CRB2: variants seen among roughly 807,000 people sequenced by gnomAD.
CRB2 encodes protein crumbs homolog 2.
In CRB2, 85 loss-of-function variants were observed where a neutral mutation model predicts 110.9. The ratio of observed to expected loss-of-function variants is 0.77; its 90% CI spans 0.64 to 0.92. CRB2 has a LOEUF of 0.92. Among genes scored for constraint, CRB2 ranks in the 40% least tolerant of loss-of-function variants. The probability of loss-of-function intolerance (pLI) is 0.00; values close to 1 mark genes in which losing one functional copy is unlikely to be tolerated. For missense variants in CRB2, 1,843 were observed against 1,851.3 expected, an observed-to-expected ratio of 1.00 and a Z score of 0.08; for synonymous variants, 907 against 831.0, an observed-to-expected ratio of 1.09 and a Z score of -1.57.
chr9:123,372,346 A>T lies in CRB2; in HGVS notation c.2602+4A>T, dbSNP rs372320700. On this transcript the variant is annotated splice_donor_region_variant and intron_variant, in intron 9 of 12. Transcript: ENST00000373631. ...GAGGTCCCTGATGGCTTTGTGTGTG[A>T]GTGTGTGTCCTGGGCAGCTCCCGTG... 1.2e-5 allele frequency: 19 copies of T among 1,588,706 alleles called. No homozygotes were observed. The highest frequency in any genetic ancestry group is 2.2e-5 in the East Asian group (1 of 44,766).
At position 123,371,106 on chromosome 9, in the gene CRB2, C is replaced by G. The variant is rs1374715933; in HGVS notation, c.1964C>G (p.Pro655Arg). The change falls in exon 8 of 13, where the codon CCA (proline) becomes CGA (arginine). Residue 655 changes from proline (P) to arginine (R), a missense_variant. Pro to Arg is a moderately radical substitution (Grantham distance 103). Coordinates refer to ENST00000373631, the MANE Select transcript of CRB2 (RefSeq NM_173689.7). ...PAATFGLGGAPSSASFLLQEL... is the reference protein window; with the variant it reads ...PAATFGLGGARSSASFLLQEL... The stretch of plus-strand genomic sequence containing the variant: ...GCCACCTTTGGCTTGGGAGGCGCCC[C>G]AAGCTCTGCCTCCTTTCTGCTCCAA... 6.2e-7 allele frequency: 1 copy of G among 1,613,354 alleles called. No homozygotes were observed. Among genetic ancestry groups the G allele is most frequent in the Admixed American group, 1.7e-5 (1 of 60,024 alleles).
chr9:123,372,364 C>G, intron 9 of CRB2, 22 bp downstream of exon 9: 2 of 1,568,814 alleles, frequency 1.3e-6, no homozygotes, highest in Non-Finnish European at 1.7e-6. Context: ...TCCTGGGCAG[C>G]TCCCGTGCTG....
In CRB2 at chr9:123,359,435, TGTTTTG is replaced by T. The variant is rs796384698; in HGVS notation, c.94+3082_94+3087del. On this transcript the variant is annotated intron_variant, in intron 1 of 12. Transcript: ENST00000373631. ...TTTTTTGTTTGTGGTTTTTCGTTTT[TGTTTTG>T]TTTTTTTTTTTTTTTTTTTTTTTTT... is the stretch of plus-strand genomic sequence containing the variant. Among the ~76,000 whole-genome samples the T allele has an allele frequency of 4.2e-3, 295 of 69,432 alleles. 14 individuals are homozygous for T. The highest frequency in any genetic ancestry group is 1.0e-2 in the African/African-American group (181 of 18,118). The allele number at this position is 69,432 out of a possible 152,430, so 45.6% of individuals were successfully genotyped here.
intron 4 of CRB2, among the ~76,000 whole-genome samples, chr9:123,366,963 T>C (rs1404626575): frequency 7.6e-6 from 1 of 132,392 alleles, no homozygotes; most frequent in Non-Finnish European, 1.7e-5. Context: ...AAAAAAAAAA[T>C]TAGTAGTAAG....
At chr9:123,359,441 G>GTTTTTTTTTTTTTTTTTTTTTT (rs375773781) in intron 1 of CRB2, among the ~76,000 whole-genome samples, 11 of 94,438 alleles carry the variant, frequency 1.2e-4, no homozygotes, top group African/African-American at 2.3e-4. Context: ...TTTTTGTTTT[G>GTTTTTTTTTTTTTTTTTTTTTT]TTTTTTTTTT....
In CRB2 at chr9:123,370,205, C is replaced by T. The variant is rs567786763; in HGVS notation, c.1152C>T (p.Cys384=). Residue 384 remains cysteine (C), a synonymous_variant, in exon 7 of 13, where the codon TGC becomes TGT. Transcript: ENST00000373631. Reference sequence around the variant, plus strand: ...CTGTGGCAGGCTATATCTGCAGGTGCCCAGAGACCTGGGGTGGGCGCGACT... The same window carrying T: ...CTGTGGCAGGCTATATCTGCAGGTGTCCAGAGACCTGGGGTGGGCGCGACT... The part of the protein sequence containing the change: ...SDTVAGYICR[C]PETWGGRDCS... 40 of 1,613,076 alleles carry T rather than the reference C, an allele frequency of 2.5e-5. No individual in the cohort carries two copies. Among genetic ancestry groups the T allele is most frequent in the East Asian group, 2.2e-4 (10 of 44,880 alleles).
At chr9:123,365,190 T>A (rs534340111) in intron 2 of CRB2, among the ~76,000 whole-genome samples, 2 of 152,114 alleles carry the variant, frequency 1.3e-5, no homozygotes, top group Non-Finnish European at 2.9e-5. Flanking sequence ...TTGAACCCAG[T>A]GGGCAGAGAT....
At chr9:123,367,734 C>A in intron 6 of CRB2, 48 bp downstream of exon 6, 1 of 1,258,182 alleles carries the variant, frequency 7.9e-7, no homozygotes, top group Non-Finnish European at 1.1e-6. Flanking sequence ...TGGTGGTCCT[C>A]AGGTGAGAAG....
intron 1 of CRB2, among the ~76,000 whole-genome samples, chr9:123,360,997 C>G (rs1051169254): frequency 1.3e-5 from 2 of 152,134 alleles, no homozygotes; most frequent in African/African-American, 4.8e-5. Flanking sequence ...TAGAGCCCAT[C>G]TGCTCCCATG....
intron 10 of CRB2, among the ~76,000 whole-genome samples, chr9:123,374,372 T>C (rs1297210921): frequency 6.6e-6 from 1 of 152,018 alleles, no homozygotes; most frequent in South Asian, 2.1e-4. Context: ...CCTTACACTT[T>C]GTTGTCCTGA....
In CRB2 at chr9:123,363,027, G is replaced by T. The variant is rs761897957; in HGVS notation, c.257G>T (p.Gly86Val). Residue 86 changes from glycine to valine, a missense_variant, in exon 2 of 13, where the codon GGT (glycine) becomes GTT (valine). By Grantham distance (109) the Gly-to-Val change is moderately radical (BLOSUM62 -3). Coordinates refer to ENST00000373631, the MANE Select transcript of CRB2 (RefSeq NM_173689.7). The stretch of plus-strand genomic sequence containing the variant: ...CACGGCGCTCTGTGTGTGCCCCAGG[G>T]TCCAGATCCCACCGGCTTCCGCTGC... ...CHHGALCVPQ[G>V]PDPTGFRCYC... 4 of 1,612,534 alleles carry T rather than the reference G, an allele frequency of 2.5e-6. No individual in the cohort carries two copies. The South Asian group carries it at 4.4e-5, about 18-fold the overall frequency.
chr9:123,370,047 G>T, intron 6 of CRB2, 61 bp from the exon 7 acceptor site: 1 of 1,518,844 alleles, frequency 6.6e-7, no homozygotes. Flanking sequence ...TGTAAGTTCT[G>T]GGTCAGTACT....
At position 123,376,974 on chromosome 9, in the gene CRB2, C is replaced by T; in HGVS notation, c.3770C>T (p.Thr1257Ile). ...CGAAAGCGCCGCCAGTCTGAGGGCA[C>T]CTACAGCCCAAGCCAGCAGGAGGTG... ...AARKRRQSEG[T>I]YSPSQQEVAG... Residue 1257 changes from threonine (T) to isoleucine (I), a missense_variant, in exon 13 of 13, where the codon ACC becomes ATC. Coordinates refer to ENST00000373631, the MANE Select transcript of CRB2 (RefSeq NM_173689.7). 1 of 1,608,730 alleles carries T rather than the reference C, an allele frequency of 6.2e-7. No homozygotes were observed. The highest frequency in any genetic ancestry group is 8.5e-7 in the Non-Finnish European group (1 of 1,178,572).
rs775133694 is a variant in CRB2 at position 123,373,191 on chromosome 9, C to CTT, written c.2660_2661insTT (p.Ser888CysfsTer254). ...CCCGCCGCGTTCAGCGGGCACAACG[C>CTT]GTCGTCAGGGCGCTTGCTCGGCGGC... On this transcript the variant is annotated frameshift_variant, in exon 10 of 13. Transcript: ENST00000373631. LOFTEE classifies it high-confidence loss of function. The CTT allele has an allele frequency of 3.3e-5, 50 of 1,514,042 alleles. No individual in the cohort carries two copies. Among genetic ancestry groups the CTT allele is most frequent in the African/African-American group, 2.9e-5 (2 of 69,818 alleles). The allele number at this position is 1,514,042 out of a possible 1,614,324, so 93.8% of individuals were successfully genotyped here.
At chr9:123,367,078 C>T (rs753634204) in intron 4 of CRB2, 94 bp from the exon 5 acceptor site, 11 of 1,318,666 alleles carry the variant, frequency 8.3e-6, no homozygotes, top group African/African-American at 4.5e-5. Context: ...TTCCGAGCTG[C>T]GGTCCCTTGC....
At chr9:123,355,933 G>A (rs1438055714), upstream of CRB2, among the ~76,000 whole-genome samples, 1 of 152,028 alleles carries the variant, frequency 6.6e-6, no homozygotes, top group African/African-American at 2.4e-5. Context: ...CCTCTCCAAG[G>A]ACAGAAATTT....
At chr9:123,372,035 T>A (rs1564375904) in intron 8 of CRB2, 142 bp from the exon 9 acceptor site, 1 of 820,304 alleles carries the variant, frequency 1.2e-6, no homozygotes, top group South Asian at 1.8e-5. Context: ...AAAATGGGGA[T>A]CTTAGCGACT....
At position 123,376,902 on chromosome 9, in the gene CRB2, G is replaced by GCCT. The variant is rs767432277; in HGVS notation, c.3714_3716dup (p.Leu1239dup). ...GTGGCCGTACCTGCAGCCTGTGCCTGCCTCCTCCTCCTCCTCCTGGGCCTC... is the reference window on the plus strand; with the variant it reads ...GTGGCCGTACCTGCAGCCTGTGCCTGCCTCCTCCTCCTCCTCCTCCTGGGCCTC... On this transcript the variant is annotated inframe_insertion, in exon 13 of 13. Transcript: ENST00000373631. 1.7e-4 allele frequency: 280 copies of GCCT among 1,608,886 alleles called. No individual in the cohort carries two copies. The highest frequency in any genetic ancestry group is 1.1e-3 in the East Asian group (50 of 44,802).
chr9:123,374,381 G>A (rs1245290246), intron 10 of CRB2, among the ~76,000 whole-genome samples, 198 bp from the exon 11 acceptor site: 3 of 150,766 alleles, frequency 2.0e-5, no homozygotes, highest in Non-Finnish European at 4.4e-5. Flanking sequence ...TTGTTGTCCT[G>A]AGTCCTCTGA....
Sources: gnomAD v4.1 joint callset for allele counts (sites outside exome capture counted in the v4.1 genomes callset) on GRCh38, gnomAD v4.1.1 for gene constraint, MANE v1.5 for transcripts, NCBI Gene and HGNC (gene_info 2026-07-23, HGNC 2026-07-21) for gene names.